Variants in MIPOL1 observed in about 807,000 individuals in gnomAD.
MIPOL1 encodes mirror-image polydactyly 1.
In MIPOL1, 57 loss-of-function variants were observed where a neutral mutation model predicts 60.9. The observed-to-expected ratio is 0.94, with a 90% confidence interval of 0.76 to 1.17. The LOEUF (loss-of-function observed/expected upper bound fraction) is 1.17, where lower values mean the gene tolerates loss of function less well. MIPOL1 is among the 50% of genes most tolerant of loss of function. The pLI is 0.00. For synonymous variants in MIPOL1, 179 were observed against 168.8 expected (o/e 1.06, Z -0.47); for missense variants, 551 against 511.6 (o/e 1.08, Z -0.74).
intron 1 of MIPOL1, among the ~76,000 whole-genome samples, chr14:37,223,430 A>G (rs940742100): frequency 3.9e-5 from 6 of 152,120 alleles, no homozygotes; most frequent in African/African-American, 1.4e-4. Flanking sequence ...GTTGCTCTGT[A>G]TAGACATATG....
At chr14:37,311,257 C>A (rs1371077633) in intron 9 of MIPOL1, among the ~76,000 whole-genome samples, 1 of 152,142 alleles carries the variant, frequency 6.6e-6, no homozygotes, top group Non-Finnish European at 1.5e-5. Context: ...CATTCGTTCA[C>A]CACAAATGAT....
At chr14:37,360,482 C>A (rs1378978625) in intron 9 of MIPOL1, among the ~76,000 whole-genome samples, 2 of 152,134 alleles carry the variant, frequency 1.3e-5, no homozygotes, top group Non-Finnish European at 2.9e-5. Flanking sequence ...TTAGTTATTG[C>A]CTCAATTTCA....
chr14:37,417,468 A>G (rs1323984096), intron 10 of MIPOL1, among the ~76,000 whole-genome samples: 2 of 152,146 alleles, frequency 1.3e-5, no homozygotes, highest in African/African-American at 4.8e-5. Flanking sequence ...GGAACAATAT[A>G]CTATGGAAAT....
At chr14:37,505,825 G>A (rs557984214) in intron 12 of MIPOL1, 1 of 152,290 alleles carries the variant, frequency 6.6e-6, no homozygotes, top group African/African-American at 2.4e-5. Context: ...GTCCCTGTTT[G>A]CATATGACAT....
intron 3 of MIPOL1, among the ~76,000 whole-genome samples, chr14:37,260,467 G>A (rs1051389786): frequency 6.6e-6 from 1 of 152,016 alleles, no homozygotes. Context: ...TCTATAATGT[G>A]GTTGGACATA....
chr14:37,402,284 G>A (rs375086525), intron 10 of MIPOL1, among the ~76,000 whole-genome samples: 3 of 152,046 alleles, frequency 2.0e-5, no homozygotes, highest in African/African-American at 4.8e-5. Context: ...ACTACAGTCC[G>A]AAAACACAGG....
At chr14:37,428,592 G>T (rs1438338135) in intron 11 of MIPOL1, among the ~76,000 whole-genome samples, 1 of 150,170 alleles carries the variant, frequency 6.7e-6, no homozygotes, top group Non-Finnish European at 1.5e-5. Flanking sequence ...TGTCTCCCCA[G>T]TTTTTTTCTT....
At chr14:37,405,898 GA>G (rs915471200) in intron 10 of MIPOL1, among the ~76,000 whole-genome samples, 10 of 135,770 alleles carry the variant, frequency 7.4e-5, no homozygotes, top group African/African-American at 3.4e-4. Flanking sequence ...CCTTTTTTAA[GA>G]GTTTTTTTTT....
At chr14:37,243,183 A>G (rs890478672) in intron 1 of MIPOL1, among the ~76,000 whole-genome samples, 3 of 152,138 alleles carry the variant, frequency 2.0e-5, no homozygotes, top group African/African-American at 7.2e-5. Flanking sequence ...TGCCTTTTAA[A>G]TTTGTATAGC....
At chr14:37,233,720 G>T (rs1970991524) in intron 1 of MIPOL1, among the ~76,000 whole-genome samples, 1 of 152,216 alleles carries the variant, frequency 6.6e-6, no homozygotes, top group Non-Finnish European at 1.5e-5. Context: ...GGAATGAGCA[G>T]GAGCATTGCT....
chr14:37,417,746 A>G (rs2093797349), intron 10 of MIPOL1, among the ~76,000 whole-genome samples: 1 of 152,202 alleles, frequency 6.6e-6, no homozygotes, highest in Admixed American at 6.5e-5. Context: ...TGTGTTTAAT[A>G]GTGCTAGCTT....
intron 1 of MIPOL1, among the ~76,000 whole-genome samples, chr14:37,209,690 T>C (rs1233293294): frequency 6.6e-6 from 1 of 151,938 alleles, no homozygotes; most frequent in Non-Finnish European, 1.5e-5. Context: ...TTAGATAATA[T>C]ATACACATGG....
At chr14:37,539,769 A>G (rs369596746) in intron 12 of MIPOL1, among the ~76,000 whole-genome samples, 3 of 152,198 alleles carry the variant, frequency 2.0e-5, no homozygotes, top group Non-Finnish European at 2.9e-5. Flanking sequence ...GAGGCTCTCT[A>G]TGAAAATAAG....
chr14:37,412,798 T>A (rs1373902729), intron 10 of MIPOL1, among the ~76,000 whole-genome samples: 2 of 152,156 alleles, frequency 1.3e-5, no homozygotes, highest in African/African-American at 4.8e-5. Flanking sequence ...ATATTATACT[T>A]CAATGAAACA....
intron 1 of MIPOL1, among the ~76,000 whole-genome samples, chr14:37,236,487 A>G (rs1971502512): frequency 6.6e-6 from 1 of 151,642 alleles, no homozygotes; most frequent in South Asian, 2.1e-4. Context: ...CCCAGGCTGG[A>G]GTGCATTGGT....
chr14:37,520,101 A>G (rs910855533), intron 12 of MIPOL1, among the ~76,000 whole-genome samples: 1 of 152,168 alleles, frequency 6.6e-6, no homozygotes, highest in African/African-American at 2.4e-5. Flanking sequence ...TGGTTAAATC[A>G]GGTAGGGAAA....
intron 8 of MIPOL1, 79 bp from the exon 9 acceptor site, chr14:37,308,270 G>C: frequency 7.9e-7 from 1 of 1,262,026 alleles, no homozygotes; most frequent in Non-Finnish European, 1.1e-6. Flanking sequence ...CAATTCACAT[G>C]TGCCTATTAA....
At chr14:37,483,843 G>A (rs569474826) in intron 11 of MIPOL1, among the ~76,000 whole-genome samples, 13 of 152,096 alleles carry the variant, frequency 8.5e-5, no homozygotes, top group South Asian at 8.3e-4. Flanking sequence ...ACTATGTTGC[G>A]CAAGCTGGCC....
chr14:37,264,507 A>G (rs1333808345), intron 3 of MIPOL1, among the ~76,000 whole-genome samples: 1 of 151,894 alleles, frequency 6.6e-6, no homozygotes, highest in African/African-American at 2.4e-5. Context: ...ACACAGCTGT[A>G]GTCTCAACTA....
Sources: gnomAD v4.1 joint callset for allele counts (sites outside exome capture counted in the v4.1 genomes callset) on GRCh38, gnomAD v4.1.1 for gene constraint, MANE v1.5 for transcripts, NCBI Gene and HGNC (gene_info 2026-07-23, HGNC 2026-07-21) for gene names.